The following TSC22D1 variants were observed in gnomAD, a reference collection of about 807,000 sequenced individuals.
TSC22D1 encodes the protein TSC22 domain family member 1, also known as TSC22 domain family protein 1.
Under a neutral mutation model 74.2 loss-of-function variants are expected in TSC22D1, and 9 were observed. The ratio of observed to expected loss-of-function variants is 0.12; its 90% CI spans 0.07 to 0.21. TSC22D1 has a LOEUF of 0.21. Ranked by LOEUF, TSC22D1 falls within the 10% of genes least tolerant of loss-of-function variation. The probability of loss-of-function intolerance (pLI) is 1.00; values close to 1 mark genes in which losing one functional copy is unlikely to be tolerated. For synonymous variants in TSC22D1, 586 were observed against 492.5 expected (o/e 1.19, Z -2.51); for missense variants, 1,427 against 1,304.7 (o/e 1.09, Z -1.44).
At chr13:44,531,692 T>C (rs893018163) in intron 1 of TSC22D1, among the ~76,000 whole-genome samples, 5 of 152,198 alleles carry the variant, frequency 3.3e-5, no homozygotes, top group Admixed American at 6.5e-5. Flanking sequence ...CATGCAACCA[T>C]TAAATAAATA....
intron 1 of TSC22D1, among the ~76,000 whole-genome samples, chr13:44,442,715 G>A (rs1346273664): frequency 6.6e-6 from 1 of 151,982 alleles, no homozygotes; most frequent in Admixed American, 6.6e-5. Context: ...TCAGGAGTTT[G>A]AGACAAGCCT....
At position 44,455,774 on chromosome 13, in the gene TSC22D1, C is replaced by A. The variant is rs74918210; in HGVS notation, c.2913-19679G>T. Among the ~76,000 whole-genome samples, 28 of 152,256 alleles carry A rather than the reference C, an allele frequency of 1.8e-4. No individual in the cohort carries two copies. The East Asian group carries it at 5.4e-3, about 29-fold the overall frequency. On this transcript the variant is annotated intron_variant, in intron 1 of 2. Coordinates refer to ENST00000458659, the MANE Select transcript of TSC22D1 (RefSeq NM_183422.4). ...GCTACTTCTGACTAAGCATGGTGCA[C>A]CGAACACACTCATTTATCTTTATTT...
intron 1 of TSC22D1, among the ~76,000 whole-genome samples, chr13:44,547,381 ATAT>A: frequency 6.6e-6 from 1 of 152,272 alleles, no homozygotes; most frequent in Non-Finnish European, 1.5e-5. Flanking sequence ...TCAGAAGATA[ATAT>A]GTGAGAGATC....
rs1032588520 is a variant in TSC22D1, at chr13:44,433,736, A to T, written c.*890T>A. ...CAGCTCAATTGAAAGACTTCAGTGA[A>T]CAAGGATTTACTTCAGCGTATTCAG... On this transcript the variant is annotated 3_prime_UTR_variant, in exon 3 of 3. Coordinates refer to ENST00000458659, the MANE Select transcript of TSC22D1 (RefSeq NM_183422.4). 8.2e-6 allele frequency: 4 copies of T among 484,862 alleles called. No individual in the cohort carries two copies. The highest frequency in any genetic ancestry group is 1.4e-5 in the Non-Finnish European group (4 of 279,252). The allele number at this position is 484,862 out of a possible 1,614,324, so 30.0% of individuals were successfully genotyped here.
At chr13:44,544,135 T>C (rs2138110774) in intron 1 of TSC22D1, among the ~76,000 whole-genome samples, 1 of 152,210 alleles carries the variant, frequency 6.6e-6, no homozygotes, top group African/African-American at 2.4e-5. Context: ...TATCCATCTC[T>C]TTTTGGGGTC....
At position 44,434,795 on chromosome 13, in the gene TSC22D1, G is replaced by A. The variant is rs780592755; in HGVS notation, c.3053C>T (p.Ser1018Phe). 1 of 1,613,946 alleles carries A rather than the reference G, an allele frequency of 6.2e-7. No homozygotes were observed. The highest frequency in any genetic ancestry group is 1.3e-5 in the African/African-American group (1 of 74,926). The change falls in exon 3 of 3, where the codon TCC (serine) becomes TTC (phenylalanine). Residue 1018 changes from serine (S) to phenylalanine (F), a missense_variant. Transcript: ENST00000458659. ...EQIKELIEKN[S>F]QLEQENNLLK... ...CAGATTGTTCTCCTGCTCCAGCTGG[G>A]AATTTTTCTCTATTAGTTCTTTGAT...
intron 1 of TSC22D1, among the ~76,000 whole-genome samples, chr13:44,490,859 T>C (rs1421261151): frequency 6.6e-6 from 1 of 151,324 alleles, no homozygotes; most frequent in East Asian, 1.9e-4. Context: ...ATTACGCCAC[T>C]GCACTCCAGC....
chr13:44,575,283 T>C lies in TSC22D1; in HGVS notation c.792A>G (p.Thr264=), dbSNP rs1007140381. The part of the protein sequence containing the change: ...PSSPVSRKLS[T]TGSSDSITPV... ...GTGTGATACTGTCAGAGCTTCCAGTTGTAGAGAGTTTTCTAGATACTGGGC... is the reference window on the plus strand; with the variant it reads ...GTGTGATACTGTCAGAGCTTCCAGTCGTAGAGAGTTTTCTAGATACTGGGC... The change falls in exon 1 of 3, where the codon ACA becomes ACG. Residue 264 remains threonine, a synonymous_variant. Coordinates refer to ENST00000458659, the MANE Select transcript of TSC22D1 (RefSeq NM_183422.4). 1.9e-6 allele frequency: 3 copies of C among 1,613,932 alleles called. No homozygotes were observed. The highest frequency in any genetic ancestry group is 2.5e-6 in the Non-Finnish European group (3 of 1,180,032).
intron 1 of TSC22D1, among the ~76,000 whole-genome samples, chr13:44,532,259 T>G (rs955849655): frequency 2.6e-5 from 4 of 152,192 alleles, no homozygotes; most frequent in African/African-American, 9.6e-5. Flanking sequence ...AACAAAATAC[T>G]TTTTCATATC....
At chr13:44,486,438 G>T (rs1263250829) in intron 1 of TSC22D1, among the ~76,000 whole-genome samples, 1 of 152,110 alleles carries the variant, frequency 6.6e-6, no homozygotes, top group Non-Finnish European at 1.5e-5. Context: ...GCACCAGGAA[G>T]ATATAAGAAT....
intron 1 of TSC22D1, among the ~76,000 whole-genome samples, chr13:44,530,873 A>G (rs1348953257): frequency 6.6e-6 from 1 of 152,196 alleles, no homozygotes; most frequent in Non-Finnish European, 1.5e-5. Context: ...GAGCAACAGA[A>G]ATCACATTCA....
In TSC22D1 at chr13:44,573,677, G is replaced by A. The variant is rs1451783707; in HGVS notation, c.2398C>T (p.Pro800Ser). The A allele has an allele frequency of 6.2e-7, 1 of 1,614,210 alleles. No individual in the cohort carries two copies. The highest frequency in any genetic ancestry group is 2.2e-5 in the East Asian group (1 of 44,890). The change falls in exon 1 of 3, where the codon CCT (proline) becomes TCT (serine). Residue 800 changes from proline to serine, a missense_variant. Pro to Ser is a moderately conservative substitution (Grantham distance 74, BLOSUM62 -1). Around this residue, in one of 3 missense-constraint regions of TSC22D1, gnomAD observed 1,343 missense variants for 1,191.5 expected, o/e 1.13. Transcript: ENST00000458659. ...GGTTCTACTCCTTGTGGCTGGGGAG[G>A]CACAGTTAACAAGGAACTTTGGGAT... ...IASQSSLLTV[P>S]PQPQGVEPVA...
chr13:44,455,483 C>G (rs1329252068), intron 1 of TSC22D1, among the ~76,000 whole-genome samples: 1 of 152,212 alleles, frequency 6.6e-6, no homozygotes, highest in Non-Finnish European at 1.5e-5. Context: ...AAACACTGTT[C>G]TGCACTTAAT....
Position 44,574,079 on chromosome 13 carries a change from C to G in TSC22D1, c.1996G>C (p.Ala666Pro), listed in dbSNP as rs749719516. The G allele has an allele frequency of 9.3e-6, 15 of 1,614,110 alleles. No homozygotes were observed. The highest frequency in any genetic ancestry group is 1.7e-5 in the Admixed American group (1 of 60,014). Residue 666 changes from alanine (A) to proline (P), a missense_variant, in exon 1 of 3, where the codon GCA becomes CCA. This residue lies in a region of TSC22D1 where 1,343 missense variants were observed against 1,191.5 expected (regional missense o/e 1.13). Transcript: ENST00000458659. The stretch of plus-strand genomic sequence containing the variant: ...GAACTGGGCTGTCCGGAGGACATTG[C>G]TGTTTGAAGAATTGGCTGCTGTTGT... The part of the protein sequence containing the change: ...YVQQQPILQT[A>P]MSSGQPSSAG...
intron 1 of TSC22D1, chr13:44,539,484 C>T (rs939034443): frequency 2.0e-6 from 2 of 985,124 alleles, no homozygotes; most frequent in African/African-American, 3.5e-5. Context: ...CCACAAAGGC[C>T]AAAATGGGTA....
intron 1 of TSC22D1, among the ~76,000 whole-genome samples, chr13:44,470,138 C>G (rs1041143436): frequency 6.6e-6 from 1 of 152,112 alleles, no homozygotes; most frequent in Non-Finnish European, 1.5e-5. Context: ...TAAACTGATT[C>G]ATCTTTTAAA....
intron 1 of TSC22D1, among the ~76,000 whole-genome samples, chr13:44,499,061 C>G (rs1879106126): frequency 6.6e-6 from 1 of 152,172 alleles, no homozygotes; most frequent in African/African-American, 2.4e-5. Flanking sequence ...AAAAATTTAA[C>G]TAACTGTTCT....
rs1186899504 is a variant in TSC22D1, at chr13:44,436,743, G to C, written c.2913-648C>G. The stretch of plus-strand genomic sequence containing the variant: ...GCCCAGGGAGAAACAGAAAACGGCA[G>C]CCCTAATTTAAAGAAACCCAGCTTC... On this transcript the variant is annotated intron_variant, in intron 1 of 2. Coordinates refer to ENST00000458659, the MANE Select transcript of TSC22D1 (RefSeq NM_183422.4). 6 of 1,485,318 alleles carry C rather than the reference G, an allele frequency of 4.0e-6. No homozygotes were observed. The East Asian group carries it at 1.2e-4, about 29-fold the overall frequency. 92.0% of individuals were successfully genotyped at this position (1,485,318 alleles called of 1,614,324 possible). A position where few individuals can be genotyped will look rare whatever the true frequency, so the allele number is the denominator to read the frequency against.
At chr13:44,530,879 A>G (rs1880799699) in intron 1 of TSC22D1, among the ~76,000 whole-genome samples, 1 of 152,210 alleles carries the variant, frequency 6.6e-6, no homozygotes, top group Non-Finnish European at 1.5e-5. Flanking sequence ...CAGAAATCAC[A>G]TTCATTGCTG....
Sources: gnomAD v4.1 joint callset for allele counts (sites outside exome capture counted in the v4.1 genomes callset) on GRCh38, gnomAD v4.1.1 for gene constraint, gnomAD v4.1.1 regional missense constraint, MANE v1.5 for transcripts, NCBI Gene and HGNC (gene_info 2026-07-23, HGNC 2026-07-21) for gene names.